The following MEG3 variants were observed in gnomAD, a reference collection of about 807,000 sequenced individuals.
The protein encoded by MEG3 is maternally expressed 3, also known as Very putative protein from MEG3 locus.
At chr14:100,847,610 A>G (rs1249716729) in intron 3 of MEG3, 1 of 152,224 alleles carries the variant, frequency 6.6e-6, no homozygotes, top group Admixed American at 6.5e-5. Context: ...CAGGCTGTCC[A>G]TTAAATAATG....
At chr14:100,836,281 C>G (rs970675585) in exon 2 of MEG3, 2 of 456,468 alleles carry the variant, frequency 4.4e-6, no homozygotes, top group Non-Finnish European at 8.8e-6. Context: ...GCGGGCCTCT[C>G]GTCTCCTTCC....
chr14:100,826,342 G>A (rs2139927011), intron 1 of MEG3: 1 of 152,440 alleles, frequency 6.6e-6, no homozygotes, highest in South Asian at 2.1e-4. Flanking sequence ...GCTGCTGGAG[G>A]CGGCCACTTC....
chr14:100,853,735 C>T (rs979673048), upstream of MEG3: 34 of 152,224 alleles, frequency 2.2e-4, no homozygotes, highest in African/African-American at 7.9e-4. Flanking sequence ...TATGTATAAC[C>T]ACCTTTTAAA....
upstream of MEG3, chr14:100,855,373 G>T (rs563028951): frequency 6.6e-6 from 1 of 152,172 alleles, no homozygotes; most frequent in African/African-American, 2.4e-5. Context: ...CTCCTCCGGG[G>T]TTACTGCCCT....
exon 1 of MEG3, chr14:100,857,817 T>C (rs1191926070): frequency 6.6e-6 from 1 of 152,140 alleles, no homozygotes; most frequent in African/African-American, 2.4e-5. Flanking sequence ...TGCTTTCGTT[T>C]GTTAGGGAGA....
rs2139981395 is a variant in MEG3, at chr14:100,845,096, G to A, written n.3046-362G>A. ...TCCTGCTCGCCGACCTGGGCACCTT[G>A]CTTCTGCCAGAGCACAGGTTCATGC... On this transcript the variant is annotated intron_variant and non_coding_transcript_variant, in intron 2 of 3. Coordinates refer to the MEG3 transcript ENST00000398461. The surrounding 1 kb of genome is among the most constrained non-coding windows in gnomAD (Gnocchi z 5.2). Among the ~76,000 whole-genome samples the A allele has an allele frequency of 6.6e-6, 1 of 152,298 alleles. No homozygotes were observed. The highest frequency in any genetic ancestry group is 1.5e-5 in the Non-Finnish European group (1 of 68,016).
In MEG3 at chr14:100,837,980, A is replaced by G. The variant is rs1386110365; in HGVS notation, n.3045+1680A>G. Among the ~76,000 whole-genome samples, 2 of 151,930 alleles carry G rather than the reference A, an allele frequency of 1.3e-5. No individual in the cohort carries two copies. The highest frequency in any genetic ancestry group is 2.9e-5 in the Non-Finnish European group (2 of 67,998). On this transcript the variant is annotated intron_variant and non_coding_transcript_variant, in intron 2 of 3. Transcript: ENST00000398461. This position sits in a 1 kb window ranked among gnomAD's most constrained non-coding sequence, Gnocchi z 5.8. ...GCCCAGGAAGGCTCTGCCCCGTGAC[A>G]TTTACTCCAAGGCTAGCATTTGCTG...
At chr14:100,847,624 A>G (rs2037954159) in intron 3 of MEG3, 1 of 152,200 alleles carries the variant, frequency 6.6e-6, no homozygotes, top group Non-Finnish European at 1.5e-5. Flanking sequence ...AATAATGAAC[A>G]TCTAAGTGAA....
intron 3 of MEG3, chr14:100,849,099 G>A (rs1030968964): frequency 3.9e-5 from 6 of 152,048 alleles, no homozygotes; most frequent in African/African-American, 7.3e-5. Flanking sequence ...ATATGGAAAC[G>A]TATGACAGGA....
At chr14:100,843,606 T>G (rs2037824078) in intron 2 of MEG3, among the ~76,000 whole-genome samples, 1 of 152,102 alleles carries the variant, frequency 6.6e-6, no homozygotes, top group Non-Finnish European at 1.5e-5. Context: ...GAAGGAGATT[T>G]TAGGAAGATT....
At chr14:100,834,467 G>T (rs1024504840) in exon 1 of MEG3, 11 of 314,644 alleles carry the variant, frequency 3.5e-5, no homozygotes, top group Non-Finnish European at 6.3e-5. Context: ...ATCCTGCTTG[G>T]GTTTCTGGAC....
upstream of MEG3, chr14:100,854,202 T>G (rs1461670999): frequency 6.6e-6 from 1 of 152,280 alleles, no homozygotes; most frequent in Non-Finnish European, 1.5e-5. Flanking sequence ...GTCTCTGTTA[T>G]AAAGTACTTT....
At chr14:100,833,142 T>G (rs181611546), downstream of MEG3, 1 of 151,422 alleles carries the variant, frequency 6.6e-6, no homozygotes, top group East Asian at 2.0e-4. Flanking sequence ...GGGCATAGTT[T>G]GGGGTTCAGA....
At chr14:100,836,453 G>A (rs900291124) in intron 2 of MEG3, among the ~76,000 whole-genome samples, 9 of 152,148 alleles carry the variant, frequency 5.9e-5, no homozygotes, top group Non-Finnish European at 1.2e-4. Flanking sequence ...TCTGGGGGCC[G>A]GAGAGCTGCC....
upstream of MEG3, chr14:100,856,035 C>G (rs1356259122): frequency 6.6e-6 from 1 of 152,364 alleles, no homozygotes; most frequent in East Asian, 1.9e-4. Context: ...TTAGAACACT[C>G]TGGCCTTTCC....
intron 2 of MEG3, among the ~76,000 whole-genome samples, chr14:100,841,559 G>A (rs1219038755): frequency 2.0e-5 from 3 of 152,204 alleles, no homozygotes; most frequent in Non-Finnish European, 4.4e-5. Flanking sequence ...AGCCTTGCCC[G>A]AGGTTGCACG....
chr14:100,860,273 C>G (rs2038366787), exon 1 of MEG3: 2 of 231,004 alleles, frequency 8.7e-6, no homozygotes, highest in Admixed American at 1.0e-4. Context: ...TTAGAGCCCT[C>G]AGGAGGAGGA....
intron 3 of MEG3, chr14:100,847,307 G>A (rs2037946023): frequency 6.6e-6 from 1 of 152,204 alleles, no homozygotes; most frequent in African/African-American, 2.4e-5. Context: ...AGGCCAAAAA[G>A]TCTACATTGC....
chr14:100,860,617 G>A (rs895667571), intron 1 of MEG3: 7 of 456,144 alleles, frequency 1.5e-5, no homozygotes, highest in African/African-American at 1.4e-4. Flanking sequence ...GGGCCTGCCT[G>A]TCTGTCTGTG....
Sources: allele counts gnomAD v4.1 joint callset (sites outside exome capture counted in the v4.1 genomes callset), GRCh38; gene constraint gnomAD v4.1.1; non-coding constraint Gnocchi (gnomAD v3.1); transcripts MANE v1.5; gene names NCBI Gene and HGNC (gene_info 2026-07-23, HGNC 2026-07-21).